The following IL1RAPL2 variants were observed in gnomAD, a reference collection of about 807,000 sequenced individuals.
IL1RAPL2 encodes interleukin 1 receptor accessory protein like 2.
Under a neutral mutation model 44.1 loss-of-function variants are expected in IL1RAPL2, and 3 were observed. The observed-to-expected ratio is 0.07, with a 90% CI of 0.03 to 0.18. IL1RAPL2 has a LOEUF of 0.18. Among genes scored for constraint, IL1RAPL2 ranks in the 10% least tolerant of loss-of-function variants. IL1RAPL2 has a pLI of 1.00. For missense variants in IL1RAPL2, 391 were observed against 496.4 expected (o/e 0.79, Z 2.02); for synonymous variants, 181 against 178.8 (o/e 1.01, Z -0.10).
In IL1RAPL2 at chrX:105,755,185, G is replaced by A; in HGVS notation, c.1201G>A (p.Glu401Lys). 1 of 1,189,761 alleles carries A rather than the reference G, an allele frequency of 8.4e-7. No individual in the cohort carries two copies. The highest frequency in any genetic ancestry group is 1.1e-6 in the Non-Finnish European group (1 of 879,877). Residue 401 changes from glutamate to lysine, a missense_variant, in exon 10 of 11, where the codon GAA becomes AAA. Physicochemically the swap from Glu to Lys is moderately conservative, Grantham distance 56. This residue lies in a region of IL1RAPL2 where 232 missense variants were observed against 244.8 expected (regional missense o/e 0.95). Transcript: ENST00000372582. ...GADETNDDNK[E>K]YDAYLSYTKV... ...TGTTCTTTATGTTTAAGACAACAAG[G>A]AATATGATGCCTATCTCTCTTACAC...
intron 5 of IL1RAPL2, among the ~76,000 whole-genome samples, chrX:105,438,034 C>G (rs973031372): frequency 2.5e-4 from 28 of 111,712 alleles, no homozygotes; most frequent in African/African-American, 8.4e-4. Context: ...TCAAACTTAA[C>G]CATGACAAGC....
chrX:104,797,443 A>G (rs1932857917), intron 2 of IL1RAPL2, among the ~76,000 whole-genome samples: 1 of 111,148 alleles, frequency 9.0e-6, no homozygotes, highest in African/African-American at 3.3e-5. Context: ...TTTTCAGAAA[A>G]GGGCTTCTAT....
chrX:105,059,139 T>C (rs1244564164), intron 2 of IL1RAPL2, among the ~76,000 whole-genome samples: 1 of 112,352 alleles, frequency 8.9e-6, no homozygotes, highest in Non-Finnish European at 1.9e-5. Context: ...TATCCAATTA[T>C]ACTCTTTCAG....
intron 2 of IL1RAPL2, among the ~76,000 whole-genome samples, chrX:104,996,945 A>G (rs1288080637): frequency 9.0e-6 from 1 of 111,651 alleles, no homozygotes; most frequent in Non-Finnish European, 1.9e-5. Context: ...CATCAAGGGT[A>G]AAAACCTAAG....
intron 1 of IL1RAPL2, among the ~76,000 whole-genome samples, chrX:104,596,088 A>T (rs1048181469): frequency 1.8e-5 from 2 of 111,327 alleles, no homozygotes; most frequent in Non-Finnish European, 3.8e-5. Flanking sequence ...ATATTGAAAT[A>T]TAATGATCAA....
chrX:105,651,871 T>G (rs2147843471), intron 6 of IL1RAPL2, among the ~76,000 whole-genome samples: 1 of 112,319 alleles, frequency 8.9e-6, no homozygotes, highest in South Asian at 3.7e-4. Context: ...TAAGCCAATT[T>G]AATAACTAAT....
At chrX:104,837,589 G>A (rs1034219083) in intron 2 of IL1RAPL2, among the ~76,000 whole-genome samples, 8 of 111,111 alleles carry the variant, frequency 7.2e-5, no homozygotes, top group African/African-American at 2.6e-4. Context: ...TTTTTTTCTT[G>A]TAAACTTGTT....
intron 2 of IL1RAPL2, among the ~76,000 whole-genome samples, chrX:105,006,701 A>G (rs1206084573): frequency 9.0e-6 from 1 of 111,041 alleles, no homozygotes; most frequent in Admixed American, 9.6e-5. Context: ...TTGAGCACTT[A>G]AGCTCAGCTG....
chrX:104,962,093 C>T (rs1311303979), intron 2 of IL1RAPL2, among the ~76,000 whole-genome samples: 1 of 112,245 alleles, frequency 8.9e-6, no homozygotes, highest in Non-Finnish European at 1.9e-5. Flanking sequence ...CCAAGGTGCT[C>T]TTCAGAGCTG....
chrX:105,687,700 GGGAATCCTCCCTAACTC>G (rs1211031629), intron 6 of IL1RAPL2, among the ~76,000 whole-genome samples: 1 of 111,779 alleles, frequency 8.9e-6, no homozygotes, highest in Non-Finnish European at 1.9e-5. Flanking sequence ...TAGAAAAAGA[GGGAATCCTCCCTAACTC>G]AGTTTATGAG....
intron 5 of IL1RAPL2, among the ~76,000 whole-genome samples, chrX:105,279,511 C>T (rs200965292): frequency 9.0e-5 from 10 of 111,239 alleles, no homozygotes; most frequent in East Asian, 5.7e-4. Context: ...GATGGAGTGT[C>T]GCTCTGTCAC....
rs775197137 is a variant in IL1RAPL2 at position 104,880,405 on chromosome X, T to A, written c.82+221410T>A. Among the ~76,000 whole-genome samples the A allele has an allele frequency of 5.4e-5, 6 of 111,837 alleles. No homozygotes were observed. The South Asian group carries it at 2.2e-3, about 42-fold the overall frequency. On this transcript the variant is annotated intron_variant, in intron 2 of 10. Coordinates refer to ENST00000372582, the MANE Select transcript of IL1RAPL2 (RefSeq NM_017416.2). ...CATAAGCATATAGCCTCTGCAGTGG[T>A]CTACCATACCATAGACCTTCCAGGA...
At chrX:105,224,123 C>T (rs2033992941) in intron 3 of IL1RAPL2, among the ~76,000 whole-genome samples, 1 of 110,309 alleles carries the variant, frequency 9.1e-6, no homozygotes, top group Non-Finnish European at 1.9e-5. Context: ...GACAAAAAAA[C>T]AGAGGAAGGA....
intron 5 of IL1RAPL2, among the ~76,000 whole-genome samples, chrX:105,418,179 G>A (rs763612702): frequency 4.5e-5 from 5 of 109,976 alleles, no homozygotes; most frequent in African/African-American, 1.0e-4. Context: ...GCCTACAACC[G>A]TGTCTGGCTT....
intron 5 of IL1RAPL2, among the ~76,000 whole-genome samples, chrX:105,357,280 C>A (rs2035210566): frequency 1.8e-5 from 2 of 111,449 alleles, no homozygotes; most frequent in African/African-American, 6.5e-5. Flanking sequence ...AGAAGAATAC[C>A]TGGCAGAAAG....
At chrX:104,677,842 G>A (rs1357307103) in intron 2 of IL1RAPL2, among the ~76,000 whole-genome samples, 2 of 112,039 alleles carry the variant, frequency 1.8e-5, no homozygotes, top group African/African-American at 6.5e-5. Flanking sequence ...GTATTCGGGT[G>A]GGAGTGACCC....
intron 5 of IL1RAPL2, among the ~76,000 whole-genome samples, chrX:105,333,990 G>A (rs964256736): frequency 9.0e-6 from 1 of 111,569 alleles, no homozygotes; most frequent in Non-Finnish European, 1.9e-5. Context: ...TAAAAATTGA[G>A]CTACCATATG....
At chrX:104,958,223 T>C (rs1197585136) in intron 2 of IL1RAPL2, among the ~76,000 whole-genome samples, 1 of 111,152 alleles carries the variant, frequency 9.0e-6, no homozygotes, top group Non-Finnish European at 1.9e-5. Flanking sequence ...TCCTTGCCCT[T>C]GGTATCCATT....
intron 2 of IL1RAPL2, among the ~76,000 whole-genome samples, chrX:104,849,787 A>G (rs1252471635): frequency 9.0e-6 from 1 of 111,380 alleles, no homozygotes; most frequent in Non-Finnish European, 1.9e-5. Context: ...TATTTATCAA[A>G]GATTTACTTA....
Sources: gnomAD v4.1 joint callset for allele counts (sites outside exome capture counted in the v4.1 genomes callset) on GRCh38, gnomAD v4.1.1 for gene constraint, gnomAD v4.1.1 regional missense constraint, MANE v1.5 for transcripts, NCBI Gene and HGNC (gene_info 2026-07-23, HGNC 2026-07-21) for gene names.